FAR1: variants seen among roughly 807,000 people sequenced by gnomAD.
FAR1 encodes fatty acyl-CoA reductase 1.
FAR1 carries 22 observed loss-of-function variants against 61.1 expected under a neutral mutation model. The ratio of observed to expected loss-of-function variants is 0.36; its 90% CI spans 0.26 to 0.51. FAR1 has a LOEUF of 0.51. Among genes scored for constraint, FAR1 ranks in the 20% least tolerant of loss-of-function variants. FAR1 has a pLI of 0.95. For synonymous variants in FAR1, 206 were observed against 209.7 expected, an observed-to-expected ratio of 0.98 and a Z score of 0.15; for missense variants, 359 against 626.9, an observed-to-expected ratio of 0.57 and a Z score of 4.56.
At chr11:13,689,355 A>T (rs1318026811) in intron 1 of FAR1, among the ~76,000 whole-genome samples, 3 of 152,224 alleles carry the variant, frequency 2.0e-5, no homozygotes, top group African/African-American at 7.2e-5. Flanking sequence ...TTGGCCGTAG[A>T]TGTTTTGCCT....
intron 10 of FAR1, among the ~76,000 whole-genome samples, chr11:13,726,770 AACATAC>A (rs1021977498): frequency 6.6e-6 from 1 of 151,642 alleles, no homozygotes; most frequent in African/African-American, 2.4e-5. Flanking sequence ...GATTCCCAAT[AACATAC>A]ACATATACCT....
At chr11:13,688,719 A>G (rs1848216162) in intron 1 of FAR1, among the ~76,000 whole-genome samples, 1 of 152,222 alleles carries the variant, frequency 6.6e-6, no homozygotes, top group Admixed American at 6.5e-5. Context: ...ACTATTTAAT[A>G]TATATTGAGT....
intron 9 of FAR1, among the ~76,000 whole-genome samples, chr11:13,716,789 CAT>C (rs1300088343): frequency 2.0e-5 from 3 of 152,048 alleles, no homozygotes; most frequent in Admixed American, 1.3e-4. Flanking sequence ...TGGTGCCTGA[CAT>C]AGCACATTTT....
intron 1 of FAR1, among the ~76,000 whole-genome samples, chr11:13,684,218 A>G (rs1250728008): frequency 6.6e-6 from 1 of 152,224 alleles, no homozygotes; most frequent in East Asian, 1.9e-4. Flanking sequence ...TTTCATACAT[A>G]AGTAACCATC....
chr11:13,689,161 C>T (rs1473867588), intron 1 of FAR1, among the ~76,000 whole-genome samples: 1 of 152,078 alleles, frequency 6.6e-6, no homozygotes, highest in Non-Finnish European at 1.5e-5. Context: ...TTTTATTTTT[C>T]AAAGTAAATG....
In FAR1 at chr11:13,700,259, T is replaced by A; in HGVS notation, c.190-58T>A. On this transcript the variant is annotated intron_variant, in intron 2 of 11. Transcript: ENST00000354817. ...CTTGGTGGGAAAAAAATGGTGATAA[T>A]GAGTTTTAGAAAGTGGAAAAATACT... 4 of 1,290,190 alleles carry A rather than the reference T, an allele frequency of 3.1e-6. No individual in the cohort carries two copies. The South Asian group carries it at 5.7e-5, about 18-fold the overall frequency. The allele number at this position is 1,290,190 out of a possible 1,614,324, so 79.9% of individuals were successfully genotyped here. A position where few individuals can be genotyped will look rare whatever the true frequency, so the allele number is the denominator to read the frequency against.
chr11:13,679,964 A>T (rs1227455302), intron 1 of FAR1, among the ~76,000 whole-genome samples: 1 of 152,056 alleles, frequency 6.6e-6, no homozygotes, highest in Non-Finnish European at 1.5e-5. Context: ...GGAAAATAGG[A>T]TATAGACAGT....
chr11:13,708,412 C>G (rs1013576229), intron 4 of FAR1, among the ~76,000 whole-genome samples: 1 of 149,304 alleles, frequency 6.7e-6, no homozygotes, highest in Non-Finnish European at 1.5e-5. Context: ...CCCTCTTCTC[C>G]TCACCCCACC....
At position 13,728,510 on chromosome 11, in the gene FAR1, G is replaced by C; in HGVS notation, c.1386-102G>C. The C allele has an allele frequency of 2.3e-5, 24 of 1,041,810 alleles. No homozygotes were observed. The South Asian group carries it at 3.7e-4, about 16-fold the overall frequency. The allele number at this position is 1,041,810 out of a possible 1,614,324, so 64.5% of individuals were successfully genotyped here. A position where few individuals can be genotyped will look rare whatever the true frequency, so the allele number is the denominator to read the frequency against. On this transcript the variant is annotated intron_variant, in intron 11 of 11. Transcript: ENST00000354817. ...CCTATCATAAGTTTCAAATTAATAT[G>C]GATTTGAGCTTTGATTAAAAACTCA...
chr11:13,673,907 AT>A (rs1261464056), intron 1 of FAR1, among the ~76,000 whole-genome samples: 4 of 152,242 alleles, frequency 2.6e-5, no homozygotes, highest in East Asian at 1.9e-4. Context: ...TTATCCTATT[AT>A]TTTTTTAAAT....
At chr11:13,724,559 A>G (rs919120933) in intron 10 of FAR1, among the ~76,000 whole-genome samples, 147 of 151,830 alleles carry the variant, frequency 9.7e-4, no homozygotes, top group Non-Finnish European at 1.9e-3. Context: ...CAAAAAAAAA[A>G]AAAAAAAAAA....
intron 1 of FAR1, among the ~76,000 whole-genome samples, chr11:13,694,260 A>AAAGG (rs574206437): frequency 7.5e-4 from 114 of 152,312 alleles, no homozygotes; most frequent in African/African-American, 2.6e-3. Flanking sequence ...CACGTAGTAG[A>AAAGG]AAGGGCTCGG....
At chr11:13,679,574 G>C (rs928421347) in intron 1 of FAR1, among the ~76,000 whole-genome samples, 34 of 152,244 alleles carry the variant, frequency 2.2e-4, no homozygotes, top group South Asian at 1.7e-3. Flanking sequence ...TTATAGTAGA[G>C]AAGTTACCCT....
chr11:13,706,051 A>C (rs1848428514), intron 3 of FAR1, among the ~76,000 whole-genome samples: 1 of 152,186 alleles, frequency 6.6e-6, no homozygotes, highest in South Asian at 2.1e-4. Context: ...TGAAAATATA[A>C]GAATTTTAGA....
chr11:13,693,275 C>T (rs970414160), intron 1 of FAR1, among the ~76,000 whole-genome samples: 2 of 152,184 alleles, frequency 1.3e-5, no homozygotes, highest in Non-Finnish European at 2.9e-5. Flanking sequence ...CCATCCTGGG[C>T]CATGGGTTGG....
chr11:13,710,043 T>A (rs1275083721), intron 4 of FAR1, among the ~76,000 whole-genome samples: 1 of 152,116 alleles, frequency 6.6e-6, no homozygotes, highest in Non-Finnish European at 1.5e-5. Context: ...ATTGAATTTT[T>A]ATAGCATGCT....
chr11:13,704,735 TA>T (rs76275724), intron 3 of FAR1, among the ~76,000 whole-genome samples: 22,227 of 151,892 alleles, frequency 0.15, 1,846 homozygotes, highest in South Asian at 0.24. Context: ...TCATTAAGAT[TA>T]AAAAAAATGG....
intron 1 of FAR1, among the ~76,000 whole-genome samples, chr11:13,670,714 G>GT (rs58418636): frequency 0.1 from 13,881 of 136,584 alleles, 739 homozygotes; most frequent in South Asian, 0.14. Flanking sequence ...TAGCTTGAGG[G>GT]TTTTTTTTTT....
chr11:13,721,868 G>C lies in FAR1; in HGVS notation c.1257+9G>C. On this transcript the variant is annotated intron_variant, in intron 10 of 11. Transcript: ENST00000354817. The surrounding 1 kb of genome is among the most constrained non-coding windows in gnomAD (Gnocchi z 4.2). ...ACCCTGAAGATAAAAAGGCAAGCAA[G>C]TATTTTCTGTTTTATATTAGAAAAT... 1 of 1,584,756 alleles carries C rather than the reference G, an allele frequency of 6.3e-7. No individual in the cohort carries two copies. The highest frequency in any genetic ancestry group is 2.3e-5 in the East Asian group (1 of 44,054).
Sources: allele counts gnomAD v4.1 joint callset (sites outside exome capture counted in the v4.1 genomes callset), GRCh38; gene constraint gnomAD v4.1.1; non-coding constraint Gnocchi (gnomAD v3.1); transcripts MANE v1.5; gene names NCBI Gene and HGNC (gene_info 2026-07-23, HGNC 2026-07-21).